S1PR5: variants seen among roughly 807,000 people sequenced by gnomAD.
The protein encoded by S1PR5 is sphingosine 1-phosphate receptor 5.
For missense variants in S1PR5, 583 were observed against 571.7 expected (o/e 1.02, Z -0.20); for synonymous variants, 307 against 284.7 (o/e 1.08, Z -0.79).
chr19:10,514,110 A>C lies in S1PR5; in HGVS notation c.902T>G (p.Leu301Arg). The change falls in exon 2 of 2, where the codon CTG (leucine) becomes CGG (arginine). Residue 301 changes from leucine (L) to arginine (R), a missense_variant. Coordinates refer to ENST00000333430, the MANE Select transcript of S1PR5 (RefSeq NM_030760.5). ...FLGLAMANSL[L>R]NPIIYTLTNR... is the part of the protein sequence containing the mutation. Reference sequence around the variant, plus strand: ...GGTGAGCGTGTAGATGATGGGGTTCAGAAGTGAGTTGGCCATGGCCAGTCC... The same window carrying C: ...GGTGAGCGTGTAGATGATGGGGTTCCGAAGTGAGTTGGCCATGGCCAGTCC... 1 of 1,612,780 alleles carries C rather than the reference A, an allele frequency of 6.2e-7. No homozygotes were observed. Among genetic ancestry groups the C allele is most frequent in the Non-Finnish European group, 8.5e-7 (1 of 1,179,734 alleles).
At position 10,514,676 on chromosome 19, in the gene S1PR5, C is replaced by T; in HGVS notation, c.336G>A (p.Glu112=). 4 of 1,608,284 alleles carry T rather than the reference C, an allele frequency of 2.5e-6. No individual in the cohort carries two copies. Among genetic ancestry groups the T allele is most frequent in the Non-Finnish European group, 3.4e-6 (4 of 1,178,678 alleles). ...KLSPALWFAR[E]GGVFVALTAS... is the part of the protein sequence containing the mutation. The stretch of plus-strand genomic sequence containing the variant: ...CAGTGAGTGCCACGAAGACGCCTCC[C>T]TCCCGTGCGAACCAGAGCGCGGGGG... The change falls in exon 2 of 2, where the codon GAG becomes GAA. Residue 112 remains glutamate (E), a synonymous_variant. Transcript: ENST00000333430.
In S1PR5 at chr19:10,514,963, G is replaced by A; in HGVS notation, c.49C>T (p.Leu17=). The change falls in exon 2 of 2, where the codon CTG becomes TTG. Residue 17 remains leucine, a synonymous_variant. Transcript: ENST00000333430. ...AGCTTGCCGGTGTAGTTGTAATGCA[G>A]GACGATGACCTCGCTCACCGGCGCC... ...RPAPVSEVIV[L]HYNYTGKLRG... 6.3e-7 allele frequency: 1 copy of A among 1,595,308 alleles called. No individual in the cohort carries two copies. Among genetic ancestry groups the A allele is most frequent in the Non-Finnish European group, 8.5e-7 (1 of 1,173,178 alleles).
chr19:10,517,676 G>T (rs1307198202), upstream of S1PR5: 1 of 985,424 alleles, frequency 1.0e-6, no homozygotes. Flanking sequence ...TCCTCCCAGG[G>T]ACGCTCCATC....
Position 10,514,089 on chromosome 19 carries a change from A to T in S1PR5, c.923T>A (p.Leu308His), listed in dbSNP as rs149806324. 1,460 of 1,612,828 alleles carry T rather than the reference A, an allele frequency of 9.1e-4. 12 individuals are homozygous for T. In the African/African-American group the frequency reaches 0.018, roughly 19 times the overall value. ...NSLLNPIIYT[L>H]TNRDLRHALL... ...CGCGTGGCGCAGGTCGCGGTTGGTGAGCGTGTAGATGATGGGGTTCAGAAG... is the reference window on the plus strand; with the variant it reads ...CGCGTGGCGCAGGTCGCGGTTGGTGTGCGTGTAGATGATGGGGTTCAGAAG... Residue 308 changes from leucine (L) to histidine (H), a missense_variant, in exon 2 of 2, where the codon CTC (leucine) becomes CAC (histidine). Transcript: ENST00000333430.
At position 10,513,698 on chromosome 19, in the gene S1PR5, A is replaced by G. The variant is rs1915341257; in HGVS notation, c.*117T>C. On this transcript the variant is annotated 3_prime_UTR_variant, in exon 2 of 2. Coordinates refer to ENST00000333430, the MANE Select transcript of S1PR5 (RefSeq NM_030760.5). ...TTCACATTGTGGGGTGTCGCTGCAT[A>G]AATACATTTCCCCTGCATCTTTTCC... 4.2e-6 allele frequency: 6 copies of G among 1,416,936 alleles called. No individual in the cohort carries two copies. The Admixed American group carries it at 1.3e-4, about 31-fold the overall frequency. 87.8% of individuals were successfully genotyped at this position (1,416,936 alleles called of 1,614,324 possible). A position where few individuals can be genotyped will look rare whatever the true frequency, so the allele number is the denominator to read the frequency against.
chr19:10,513,829 G>T lies in S1PR5; in HGVS notation c.1183C>A (p.Pro395Thr), dbSNP rs902760371. 4 of 1,612,694 alleles carry T rather than the reference G, an allele frequency of 2.5e-6. No homozygotes were observed. The highest frequency in any genetic ancestry group is 1.3e-5 in the African/African-American group (1 of 74,812). The change falls in exon 2 of 2, where the codon CCG becomes ACG. Residue 395 changes from proline to threonine, a missense_variant. Physicochemically the swap from Pro to Thr is conservative, Grantham distance 38 (BLOSUM62 -1). Transcript: ENST00000333430. ...PTAARTLVSEPAAD is the reference protein window; with the variant it reads ...PTAARTLVSETAAD The stretch of plus-strand genomic sequence containing the variant: ...GGCCGAGGGTGTCAGTCTGCAGCCG[G>T]TTCTGATACCAGAGTCCGGGCGGCT...
rs1915348696 is a variant in S1PR5, at chr19:10,513,929, G to T, written c.1083C>A (p.Ser361Arg). 9 of 1,604,658 alleles carry T rather than the reference G, an allele frequency of 5.6e-6. No homozygotes were observed. Among genetic ancestry groups the T allele is most frequent in the Non-Finnish European group, 7.6e-6 (9 of 1,176,580 alleles). ...CLPPGLDGSF[S>R]GSERSSPQRD... is the part of the protein sequence containing the mutation. ...GCTGGGGCGATGAGCGCTCCGAGCC[G>T]CTGAAGCTCCCATCAAGGCCCGGGG... Residue 361 changes from serine (S) to arginine (R), a missense_variant, in exon 2 of 2, where the codon AGC (serine) becomes AGA (arginine). By Grantham distance (110) the Ser-to-Arg change is moderately radical. Coordinates refer to ENST00000333430, the MANE Select transcript of S1PR5 (RefSeq NM_030760.5).
chr19:10,513,691 G>C lies in S1PR5; in HGVS notation c.*124C>G. On this transcript the variant is annotated 3_prime_UTR_variant, in exon 2 of 2. Coordinates refer to ENST00000333430, the MANE Select transcript of S1PR5 (RefSeq NM_030760.5). ...CTGTTTGTTCACATTGTGGGGTGTC[G>C]CTGCATAAATACATTTCCCCTGCAT... The C allele has an allele frequency of 1.5e-6, 2 of 1,339,914 alleles. No homozygotes were observed. Among genetic ancestry groups the C allele is most frequent in the Non-Finnish European group, 1.0e-6 (1 of 983,216 alleles). The allele number at this position is 1,339,914 out of a possible 1,614,324, so 83.0% of individuals were successfully genotyped here. A position where few individuals can be genotyped will look rare whatever the true frequency, so the allele number is the denominator to read the frequency against.
At position 10,513,941 on chromosome 19, in the gene S1PR5, A is replaced by G. The variant is rs1915349216; in HGVS notation, c.1071T>C (p.Asp357=). The G allele has an allele frequency of 1.9e-6, 3 of 1,603,576 alleles. No individual in the cohort carries two copies. Among genetic ancestry groups the G allele is most frequent in the Non-Finnish European group, 2.6e-6 (3 of 1,176,004 alleles). The change falls in exon 2 of 2, where the codon GAT becomes GAC. Residue 357 remains aspartate (D), a synonymous_variant. Transcript: ENST00000333430. ...GLRRCLPPGL[D]GSFSGSERSS... The stretch of plus-strand genomic sequence containing the variant: ...AGCGCTCCGAGCCGCTGAAGCTCCC[A>G]TCAAGGCCCGGGGGCAGGCAGCGGC...
intron 1 of S1PR5, among the ~76,000 whole-genome samples, chr19:10,515,284 C>T (rs1017290102): frequency 3.9e-5 from 6 of 151,980 alleles, no homozygotes; most frequent in African/African-American, 1.4e-4. Context: ...CGCGGTGGTT[C>T]ACACATGGCT....
At position 10,514,925 on chromosome 19, in the gene S1PR5, G is replaced by A. The variant is rs751487851; in HGVS notation, c.87C>T (p.Arg29=). 3.1e-6 allele frequency: 5 copies of A among 1,609,296 alleles called. No individual in the cohort carries two copies. In the African/African-American group the frequency reaches 6.7e-5, roughly 22 times the overall value. Residue 29 remains arginine, a synonymous_variant, in exon 2 of 2, where the codon CGC becomes CGT. Transcript: ENST00000333430. ...CGCGCAGGCCGGCACCCGGCTGGTA[G>A]CGCGCACCGCGGAGCTTGCCGGTGT... is the stretch of plus-strand genomic sequence containing the variant. ...YNYTGKLRGA[R]YQPGAGLRAD...
chr19:10,514,591 C>T lies in S1PR5; in HGVS notation c.421G>A (p.Gly141Arg). ...LERSLTMARRGPAPVSSRGRT... is the reference protein window; with the variant it reads ...LERSLTMARRRPAPVSSRGRT... The stretch of plus-strand genomic sequence containing the variant: ...CCCCGACTGGAGACGGGCGCGGGCC[C>T]CCTGCGCGCCATGGTGAGGCTGCGC... Residue 141 changes from glycine (G) to arginine (R), a missense_variant, in exon 2 of 2, where the codon GGG becomes AGG. Transcript: ENST00000333430. 6.3e-7 allele frequency: 1 copy of T among 1,577,740 alleles called. No homozygotes were observed. The highest frequency in any genetic ancestry group is 8.6e-7 in the Non-Finnish European group (1 of 1,163,990).
At position 10,514,586 on chromosome 19, in the gene S1PR5, G is replaced by A. The variant is rs1599500273; in HGVS notation, c.426C>T (p.Pro142=). 2 of 1,576,598 alleles carry A rather than the reference G, an allele frequency of 1.3e-6. No homozygotes were observed. The highest frequency in any genetic ancestry group is 4.7e-5 in the East Asian group (2 of 42,928). The change falls in exon 2 of 2, where the codon CCC becomes CCT. Residue 142 remains proline (P), a synonymous_variant. Transcript: ENST00000333430. ...TGCGCCCCCGACTGGAGACGGGCGC[G>A]GGCCCCCTGCGCGCCATGGTGAGGC... ...ERSLTMARRG[P]APVSSRGRTL... is the part of the protein sequence containing the mutation.
Position 10,514,941 on chromosome 19 carries a change from T to G in S1PR5, c.71A>C (p.Lys24Thr), listed in dbSNP as rs1205590223. Residue 24 changes from lysine (K) to threonine (T), a missense_variant, in exon 2 of 2, where the codon AAG becomes ACG. Coordinates refer to ENST00000333430, the MANE Select transcript of S1PR5 (RefSeq NM_030760.5). ...CGGCTGGTAGCGCGCACCGCGGAGC[T>G]TGCCGGTGTAGTTGTAATGCAGGAC... ...VIVLHYNYTG[K>T]LRGARYQPGA... is the part of the protein sequence containing the mutation. 1 of 1,607,006 alleles carries G rather than the reference T, an allele frequency of 6.2e-7. No homozygotes were observed. The highest frequency in any genetic ancestry group is 8.5e-7 in the Non-Finnish European group (1 of 1,178,470).
At position 10,514,799 on chromosome 19, in the gene S1PR5, C is replaced by T; in HGVS notation, c.213G>A (p.Met71Ile). 1.2e-6 allele frequency: 2 copies of T among 1,613,228 alleles called. No homozygotes were observed. The highest frequency in any genetic ancestry group is 1.7e-6 in the Non-Finnish European group (2 of 1,179,802). ...LGRHPRFHAPMFLLLGSLTLS... is the reference protein window; with the variant it reads ...LGRHPRFHAPIFLLLGSLTLS... ...ACGTGAGGCTGCCCAGGAGCAGGAA[C>T]ATGGGAGCGTGGAAGCGCGGGTGGC... The change falls in exon 2 of 2, where the codon ATG becomes ATA. Residue 71 changes from methionine to isoleucine, a missense_variant. By Grantham distance (10) the Met-to-Ile change is conservative. Transcript: ENST00000333430.
chr19:10,514,855 C>G lies in S1PR5; in HGVS notation c.157G>C (p.Glu53Gln), dbSNP rs1164650584. 10 of 1,612,790 alleles carry G rather than the reference C, an allele frequency of 6.2e-6. No homozygotes were observed. The highest frequency in any genetic ancestry group is 8.5e-6 in the Non-Finnish European group (10 of 1,179,676). The change falls in exon 2 of 2, where the codon GAG becomes CAG. Residue 53 changes from glutamate (E) to glutamine (Q), a missense_variant. By Grantham distance (29) the Glu-to-Gln change is conservative. Transcript: ENST00000333430. ...CLAVCAFIVL[E>Q]NLAVLLVLGR... is the part of the protein sequence containing the mutation. ...AGCACCAACAACACGGCTAGATTCT[C>G]TAGCACGATGAAGGCGCACACCGCC... is the stretch of plus-strand genomic sequence containing the variant.
At position 10,513,446 on chromosome 19, in the gene S1PR5, C is replaced by T. The variant is rs186577280; in HGVS notation, c.*369G>A. ...GCACATTTCAGCCTCAGGGCCTTTG[C>T]GCATGCCATTCCCTCATCCTGAAAT... On this transcript the variant is annotated 3_prime_UTR_variant, in exon 2 of 2. Transcript: ENST00000333430. The T allele has an allele frequency of 2.3e-4, 115 of 492,802 alleles. 1 individual carries two copies. The Admixed American group carries it at 3.8e-3, about 16-fold the overall frequency. The allele number at this position is 492,802 out of a possible 1,614,324, so 30.5% of individuals were successfully genotyped here.
In S1PR5 at chr19:10,513,367, C is replaced by A; in HGVS notation, c.*448G>T. The A allele has an allele frequency of 2.4e-6, 1 of 409,622 alleles. No individual in the cohort carries two copies. The allele number at this position is 409,622 out of a possible 1,614,324, so 25.4% of individuals were successfully genotyped here. A position where few individuals can be genotyped will look rare whatever the true frequency, so the allele number is the denominator to read the frequency against. On this transcript the variant is annotated 3_prime_UTR_variant, in exon 2 of 2. Coordinates refer to ENST00000333430, the MANE Select transcript of S1PR5 (RefSeq NM_030760.5). The stretch of plus-strand genomic sequence containing the variant: ...GCTCCTTGTCTCCTCCCATTCTCCC[C>A]CTCCGTCCCTGCTCCAGGCACACCA...
chr19:10,516,933 G>A (rs1915451062), intron 1 of S1PR5: 2 of 152,294 alleles, frequency 1.3e-5, no homozygotes, highest in South Asian at 2.1e-4. Context: ...GCCTGGGGAG[G>A]GGAATGGATC....
Sources: gnomAD v4.1 joint callset for allele counts (sites outside exome capture counted in the v4.1 genomes callset) on GRCh38, gnomAD v4.1.1 for gene constraint, MANE v1.5 for transcripts, NCBI Gene and HGNC (gene_info 2026-07-23, HGNC 2026-07-21) for gene names.